The following NMNAT3 variants were observed in gnomAD, a reference collection of about 807,000 sequenced individuals.
NMNAT3 encodes nicotinamide/nicotinic acid mononucleotide adenylyltransferase 3.
NMNAT3 carries 21 observed loss-of-function variants against 24.8 expected under a neutral mutation model. The observed-to-expected ratio is 0.85, with a 90% CI of 0.60 to 1.22. The LOEUF (loss-of-function observed/expected upper bound fraction) is 1.22, where lower values mean the gene tolerates loss of function less well. Among genes scored for constraint, NMNAT3 ranks in the 50% most tolerant of loss-of-function variants. NMNAT3 has a pLI of 0.00. For synonymous variants in NMNAT3, 136 were observed against 155.2 expected, an observed-to-expected ratio of 0.88 and a Z score of 0.92; for missense variants, 387 against 436.6, an observed-to-expected ratio of 0.89 and a Z score of 1.01.
At chr3:139,577,731 AAAG>A (rs1422946709) in intron 5 of NMNAT3, 1 of 152,240 alleles carries the variant, frequency 6.6e-6, no homozygotes, top group Non-Finnish European at 1.5e-5. Context: ...ATTAAAAAAT[AAAG>A]AAGAGCATGT....
In NMNAT3 at chr3:139,616,776, G is replaced by C. The variant is rs148779704; in HGVS notation, c.109+10840C>G. Among the ~76,000 whole-genome samples, 1,358 of 151,716 alleles carry C rather than the reference G, an allele frequency of 9.0e-3. 18 individuals are homozygous for C. The highest frequency in any genetic ancestry group is 0.01 in the Non-Finnish European group (681 of 67,874). ...TCTTCATCCACTCTTCTCTCTCTCT[G>C]TGTGTGTGTGTATGTGCTGCAGGGT... On this transcript the variant is annotated intron_variant, in intron 3 of 6. Transcript: ENST00000643695.
At chr3:139,669,194 T>G (rs1007658019) in intron 1 of NMNAT3, among the ~76,000 whole-genome samples, 1 of 152,094 alleles carries the variant, frequency 6.6e-6, no homozygotes, top group Non-Finnish European at 1.5e-5. Context: ...ACGGGGGCAC[T>G]GGGCGCAGTG....
chr3:139,670,489 T>G (rs1238462907), intron 1 of NMNAT3, among the ~76,000 whole-genome samples: 4 of 152,236 alleles, frequency 2.6e-5, no homozygotes, highest in Non-Finnish European at 4.4e-5. Context: ...CTTTTGCTAG[T>G]GCTTCCTGGG....
intron 3 of NMNAT3, among the ~76,000 whole-genome samples, chr3:139,584,854 G>A (rs1298970690): frequency 6.6e-6 from 1 of 152,076 alleles, no homozygotes; most frequent in Non-Finnish European, 1.5e-5. Context: ...TTAAATCTAT[G>A]TTCTGATTTT....
chr3:139,644,539 C>T (rs1323025833), intron 1 of NMNAT3, among the ~76,000 whole-genome samples: 2 of 152,196 alleles, frequency 1.3e-5, no homozygotes, highest in East Asian at 1.9e-4. Context: ...TAATTTAACC[C>T]TGGAGAAAGG....
Position 139,633,369 on chromosome 3 carries a change from G to A in NMNAT3, c.-41+4594C>T, listed in dbSNP as rs143838410. ...CTAATTTTGTATTTTTAGTAGAGAC[G>A]GGGTTTCTCCATGTTGGTCAGGCTG... is the stretch of plus-strand genomic sequence containing the variant. On this transcript the variant is annotated intron_variant, in intron 2 of 6. Transcript: ENST00000643695. Among the ~76,000 whole-genome samples the A allele has an allele frequency of 1.5e-3, 223 of 151,980 alleles. 1 individual carries two copies. The highest frequency in any genetic ancestry group is 4.8e-3 in the African/African-American group (198 of 41,484).
In NMNAT3 at chr3:139,573,675, T is replaced by C. The variant is rs755584019; in HGVS notation, c.581A>G (p.His194Arg). The change falls in exon 6 of 7, where the codon CAT (histidine) becomes CGT (arginine). Residue 194 changes from histidine (H) to arginine (R), a missense_variant. His to Arg is a conservative substitution (Grantham distance 29, BLOSUM62 0). Transcript: ENST00000643695. ...TGGAGATCTGAGCAGTTTGCTGTGA[T>C]GATGCCTGTGTTGTAAACATATGGG... The C allele has an allele frequency of 1.3e-5, 21 of 1,591,924 alleles. No homozygotes were observed. The highest frequency in any genetic ancestry group is 1.6e-5 in the Non-Finnish European group (19 of 1,168,572).
At chr3:139,666,955 T>C (rs2057603112) in intron 1 of NMNAT3, among the ~76,000 whole-genome samples, 1 of 152,240 alleles carries the variant, frequency 6.6e-6, no homozygotes, top group African/African-American at 2.4e-5. Flanking sequence ...TCATTATGTA[T>C]ATAATACCAC....
At chr3:139,667,557 T>G (rs1157008286) in intron 1 of NMNAT3, among the ~76,000 whole-genome samples, 1 of 152,236 alleles carries the variant, frequency 6.6e-6, no homozygotes, top group Admixed American at 6.5e-5. Flanking sequence ...TTCTCTAGGT[T>G]TCTCTTTACT....
intron 3 of NMNAT3, among the ~76,000 whole-genome samples, chr3:139,621,103 G>A (rs550861917): frequency 6.6e-6 from 1 of 152,210 alleles, no homozygotes; most frequent in South Asian, 2.1e-4. Context: ...TTAAGAAACT[G>A]CGAAGTTATT....
chr3:139,569,876 T>C (rs1937861704), intron 6 of NMNAT3: 1 of 152,322 alleles, frequency 6.6e-6, no homozygotes, highest in South Asian at 2.1e-4. Context: ...TTTCCTGAAT[T>C]TGAATGTTGG....
intron 6 of NMNAT3, among the ~76,000 whole-genome samples, chr3:139,572,894 C>G (rs1559861034): frequency 6.6e-6 from 1 of 152,158 alleles, no homozygotes; most frequent in Non-Finnish European, 1.5e-5. Flanking sequence ...AGCAGTGTTC[C>G]ACCAACCAAA....
At chr3:139,671,716 G>A (rs1450491543) in intron 1 of NMNAT3, among the ~76,000 whole-genome samples, 1 of 152,184 alleles carries the variant, frequency 6.6e-6, no homozygotes, top group Non-Finnish European at 1.5e-5. Flanking sequence ...AAGCAAAGCA[G>A]TCTTTGTTAC....
chr3:139,669,125 C>A (rs927315201), intron 1 of NMNAT3, among the ~76,000 whole-genome samples: 2 of 152,046 alleles, frequency 1.3e-5, no homozygotes, highest in East Asian at 3.9e-4. Flanking sequence ...CTGCATTATG[C>A]CCCAAATTTC....
intron 3 of NMNAT3, among the ~76,000 whole-genome samples, chr3:139,622,786 TATATG>T (rs1559921365): frequency 7.0e-6 from 1 of 142,352 alleles, no homozygotes; most frequent in African/African-American, 2.6e-5. Context: ...ATATGATATA[TATATG>T]ATATATATGA....
intron 2 of NMNAT3, among the ~76,000 whole-genome samples, chr3:139,631,805 C>G (rs1463544804): frequency 2.6e-5 from 4 of 152,162 alleles, no homozygotes; most frequent in Non-Finnish European, 5.9e-5. Flanking sequence ...GAATATTTAC[C>G]TCCCCCCTAC....
rs186160554 is a variant in NMNAT3 at position 139,583,315 on chromosome 3, A to G, written c.110-107T>C. 83 of 1,365,270 alleles carry G rather than the reference A, an allele frequency of 6.1e-5. No homozygotes were observed. In the African/African-American group the frequency reaches 1.0e-3, roughly 17 times the overall value. 84.6% of individuals were successfully genotyped at this position (1,365,270 alleles called of 1,614,324 possible). On this transcript the variant is annotated intron_variant, in intron 3 of 6. Coordinates refer to ENST00000643695, the MANE Select transcript of NMNAT3 (RefSeq NM_001320510.2). ...TTTCATTTGGATGTTTAATGATGTC[A>G]ATCTTCAATGGAAGTTTCACAAGTG...
At chr3:139,629,136 GC>G (rs1041677028) in intron 2 of NMNAT3, among the ~76,000 whole-genome samples, 17 of 152,158 alleles carry the variant, frequency 1.1e-4, no homozygotes, top group African/African-American at 3.6e-4. Flanking sequence ...GTTACCAAAG[GC>G]CCCTGGCTTC....
intron 3 of NMNAT3, among the ~76,000 whole-genome samples, chr3:139,615,417 T>TCCTA (rs1553751026): frequency 7.1e-6 from 1 of 140,128 alleles, no homozygotes; most frequent in Non-Finnish European, 1.5e-5. Flanking sequence ...CACACACATT[T>TCCTA]TCTATCTATC....
Sources: gnomAD v4.1 joint callset for allele counts (sites outside exome capture counted in the v4.1 genomes callset) on GRCh38, gnomAD v4.1.1 for gene constraint, MANE v1.5 for transcripts, NCBI Gene and HGNC (gene_info 2026-07-23, HGNC 2026-07-21) for gene names.